Variants in C5orf63 observed in about 807,000 individuals in gnomAD.
C5orf63 encodes glutaredoxin-like protein C5orf63.
C5orf63 carries 18 observed loss-of-function variants against 13.3 expected under a neutral mutation model. The observed-to-expected ratio is 1.36, with a 90% CI of 0.94 to 2.01. The LOEUF (loss-of-function observed/expected upper bound fraction) is 2.01. Among genes scored for constraint, C5orf63 ranks in the 30% most tolerant of loss-of-function variants. The pLI is 0.00. For missense variants in C5orf63, 118 were observed against 127.7 expected (o/e 0.92, Z 0.36); for synonymous variants, 38 against 44.7 (o/e 0.85, Z 0.60).
At position 127,066,286 on chromosome 5, in the gene C5orf63, G is replaced by A. The variant is rs1754330159; in HGVS notation, c.-8+5298C>T. Among the ~76,000 whole-genome samples, 4 of 152,176 alleles carry A rather than the reference G, an allele frequency of 2.6e-5. No homozygotes were observed. The South Asian group carries it at 8.3e-4, about 31-fold the overall frequency. On this transcript the variant is annotated intron_variant, in intron 2 of 4. Coordinates refer to ENST00000296662, the MANE Select transcript of C5orf63 (RefSeq NM_001164478.2). Reference sequence around the variant, plus strand: ...TTTATTCTAAGTACAGTTAGATTTAGAGGAGGGAAATGACATGATCTCATA... The same window carrying A: ...TTTATTCTAAGTACAGTTAGATTTAAAGGAGGGAAATGACATGATCTCATA...
chr5:127,072,446 C>T (rs1437026783), intron 1 of C5orf63, among the ~76,000 whole-genome samples: 3 of 152,150 alleles, frequency 2.0e-5, no homozygotes, highest in South Asian at 2.1e-4. Context: ...GAGAAGACTG[C>T]GACCTCTAAT....
chr5:127,059,778 G>T (rs1295836878), intron 2 of C5orf63, among the ~76,000 whole-genome samples: 1 of 151,196 alleles, frequency 6.6e-6, no homozygotes, highest in African/African-American at 2.4e-5. Flanking sequence ...AAGCAGCTAA[G>T]CAGCATAAGT....
chr5:127,052,682 A>C lies in C5orf63; in HGVS notation c.115-13T>G, dbSNP rs1753724123. On this transcript the variant is annotated splice_polypyrimidine_tract_variant and intron_variant, in intron 3 of 4. Transcript: ENST00000296662. The stretch of plus-strand genomic sequence containing the variant: ...GGGGGCATGGGTCCTACAGGAAGAA[A>C]AAAAACCCAAGCGATTAAACCCAAA... The C allele has an allele frequency of 6.8e-7, 1 of 1,478,530 alleles. No homozygotes were observed. Among genetic ancestry groups the C allele is most frequent in the African/African-American group, 1.4e-5 (1 of 69,972 alleles). The allele number at this position is 1,478,530 out of a possible 1,614,324, so 91.6% of individuals were successfully genotyped here. A position where few individuals can be genotyped will look rare whatever the true frequency, so the allele number is the denominator to read the frequency against.
intron 2 of C5orf63, among the ~76,000 whole-genome samples, chr5:127,070,266 C>T (rs1754487482): frequency 6.6e-6 from 1 of 152,122 alleles, no homozygotes; most frequent in Non-Finnish European, 1.5e-5. Flanking sequence ...TTTTTCTTCA[C>T]TGGATGGAAG....
Position 127,051,373 on chromosome 5 carries a change from A to G in C5orf63, c.*398T>C, listed in dbSNP as rs781673469. The G allele has an allele frequency of 8.1e-7, 1 of 1,232,184 alleles. No individual in the cohort carries two copies. Among genetic ancestry groups the G allele is most frequent in the Non-Finnish European group, 1.0e-6 (1 of 988,196 alleles). 76.3% of individuals were successfully genotyped at this position (1,232,184 alleles called of 1,614,324 possible). Reference sequence around the variant, plus strand: ...AATTCACATTTCACTTTATCTACTGAGTGGAAGAGCATTTATTCTTTCATT... The same window carrying G: ...AATTCACATTTCACTTTATCTACTGGGTGGAAGAGCATTTATTCTTTCATT... On this transcript the variant is annotated 3_prime_UTR_variant, in exon 5 of 5. Transcript: ENST00000296662.
chr5:127,047,702 C>G (rs1194336309), downstream of C5orf63: 8 of 703,796 alleles, frequency 1.1e-5, no homozygotes, highest in African/African-American at 7.0e-5. Flanking sequence ...CAGGTCATAT[C>G]AGGACTCTTG....
At chr5:127,056,989 G>A (rs141760474) in intron 3 of C5orf63, among the ~76,000 whole-genome samples, 62 of 152,176 alleles carry the variant, frequency 4.1e-4, no homozygotes, top group South Asian at 2.7e-3. Context: ...TGGTTTTTTC[G>A]TTTTGTTTTT....
intron 2 of C5orf63, among the ~76,000 whole-genome samples, chr5:127,066,277 T>C (rs1411461389): frequency 6.6e-6 from 1 of 152,006 alleles, no homozygotes; most frequent in Non-Finnish European, 1.5e-5. Flanking sequence ...CTAAGTACAG[T>C]TAGATTTAGA....
chr5:127,052,854 A>G (rs933900996), intron 3 of C5orf63, among the ~76,000 whole-genome samples, 185 bp from the exon 4 acceptor site: 1 of 152,226 alleles, frequency 6.6e-6, no homozygotes, highest in Admixed American at 6.5e-5. Context: ...TAAATAACTA[A>G]TATTTCATAG....
downstream of C5orf63, chr5:127,047,191 G>A (rs1438793614): frequency 6.5e-6 from 1 of 154,062 alleles, no homozygotes; most frequent in African/African-American, 2.4e-5. Context: ...CCTTCATAAG[G>A]CATTAGCTTG....
At chr5:127,058,824 CCT>C (rs1753985641) in intron 3 of C5orf63, 56 bp downstream of exon 3, 1 of 1,115,698 alleles carries the variant, frequency 9.0e-7, no homozygotes, top group Non-Finnish European at 1.3e-6. Flanking sequence ...CAACTTTGTC[CCT>C]TTTTCTTAAA....
downstream of C5orf63, chr5:127,047,510 C>T (rs1191566516): frequency 7.0e-6 from 4 of 567,498 alleles, no homozygotes; most frequent in Non-Finnish European, 1.2e-5. Context: ...GTCACATGAC[C>T]ATATTCCTCT....
downstream of C5orf63, among the ~76,000 whole-genome samples, chr5:127,049,599 A>G (rs116376779): frequency 0.012 from 1,848 of 152,318 alleles, 20 homozygotes; most frequent in Non-Finnish European, 0.017. Context: ...TATCTCAAAG[A>G]CAAGGACTAT....
At chr5:127,050,305 T>C (rs1192520055), downstream of C5orf63, among the ~76,000 whole-genome samples, 3 of 152,168 alleles carry the variant, frequency 2.0e-5, no homozygotes, top group African/African-American at 7.2e-5. Context: ...TTGTAAATGA[T>C]AAACACTGCT....
At chr5:127,059,761 A>G (rs564076562) in intron 2 of C5orf63, among the ~76,000 whole-genome samples, 2 of 151,914 alleles carry the variant, frequency 1.3e-5, no homozygotes, top group South Asian at 2.1e-4. Flanking sequence ...AAAAAGAAAC[A>G]ATGGGTAAGC....
At chr5:127,047,430 G>A, downstream of C5orf63, 2 of 391,970 alleles carry the variant, frequency 5.1e-6, no homozygotes, top group Non-Finnish European at 4.6e-6. Context: ...TGCCATGTTT[G>A]TAGGTATCTA....
chr5:127,062,015 A>G (rs1389642795), intron 2 of C5orf63, among the ~76,000 whole-genome samples: 2 of 152,244 alleles, frequency 1.3e-5, no homozygotes, highest in African/African-American at 4.8e-5. Flanking sequence ...GGTTGATAAG[A>G]AAAGGAAAAC....
chr5:127,052,606 A>G lies in C5orf63; in HGVS notation c.171+7T>C. On this transcript the variant is annotated splice_region_variant and intron_variant, in intron 4 of 4. Coordinates refer to ENST00000296662, the MANE Select transcript of C5orf63 (RefSeq NM_001164478.2). The stretch of plus-strand genomic sequence containing the variant: ...ATATACATAAAAGCCACACTGTATT[A>G]TATTACCCTGTTTTCATAAGGCTTG... 6.7e-7 allele frequency: 1 copy of G among 1,495,842 alleles called. No individual in the cohort carries two copies. 92.7% of individuals were successfully genotyped at this position (1,495,842 alleles called of 1,614,324 possible).
downstream of C5orf63, among the ~76,000 whole-genome samples, chr5:127,049,706 C>T (rs568820137): frequency 6.6e-6 from 1 of 152,346 alleles, no homozygotes; most frequent in South Asian, 2.1e-4. Flanking sequence ...AATTATCATA[C>T]ATTTAGCAGT....
Sources: allele counts gnomAD v4.1 joint callset (sites outside exome capture counted in the v4.1 genomes callset), GRCh38; gene constraint gnomAD v4.1.1; transcripts MANE v1.5; gene names NCBI Gene and HGNC (gene_info 2026-07-23, HGNC 2026-07-21).